ZC3H11A: variants seen among roughly 807,000 people sequenced by gnomAD.
ZC3H11A encodes the protein zinc finger CCCH domain-containing protein 11A.
Under a neutral mutation model 90.8 loss-of-function variants are expected in ZC3H11A, and 22 were observed. The ratio of observed to expected loss-of-function variants is 0.24; its 90% CI spans 0.17 to 0.35. The LOEUF (loss-of-function observed/expected upper bound fraction) is 0.35, where lower values mean the gene tolerates loss of function less well. Among genes scored for constraint, ZC3H11A ranks in the 10% least tolerant of loss-of-function variants. The pLI is 1.00. For missense variants in ZC3H11A, 701 were observed against 964.9 expected, an observed-to-expected ratio of 0.73 and a Z score of 3.62; for synonymous variants, 294 against 339.8, an observed-to-expected ratio of 0.87 and a Z score of 1.48.
chr1:203,826,162 A>C (rs1158632914), intron 4 of ZC3H11A, among the ~76,000 whole-genome samples: 1 of 152,154 alleles, frequency 6.6e-6, no homozygotes, highest in East Asian at 1.9e-4. Flanking sequence ...TATTACATCT[A>C]CCTTTCGGGT....
chr1:203,839,920 C>T (rs1287818958), intron 11 of ZC3H11A, among the ~76,000 whole-genome samples: 1 of 152,124 alleles, frequency 6.6e-6, no homozygotes, highest in Non-Finnish European at 1.5e-5. Context: ...TCTCCTGTCT[C>T]AGCCTCCAGA....
chr1:203,815,268 G>A (rs1675968495), intron 2 of ZC3H11A, among the ~76,000 whole-genome samples: 1 of 130,256 alleles, frequency 7.7e-6, no homozygotes, highest in Admixed American at 9.2e-5. Flanking sequence ...AAGCTGGAGT[G>A]CAGTGGCGCA....
At chr1:203,831,488 C>T (rs1162459534) in intron 8 of ZC3H11A, among the ~76,000 whole-genome samples, 173 bp from the exon 9 acceptor site, 2 of 152,092 alleles carry the variant, frequency 1.3e-5, no homozygotes, top group Non-Finnish European at 2.9e-5. Context: ...CCCAAGGCTC[C>T]CCTCACCACT....
At chr1:203,821,414 C>T (rs574751934) in intron 4 of ZC3H11A, among the ~76,000 whole-genome samples, 2 of 152,128 alleles carry the variant, frequency 1.3e-5, no homozygotes, top group African/African-American at 4.8e-5. Flanking sequence ...GTGTCGTACT[C>T]TGTTACTATC....
intron 1 of ZC3H11A, chr1:203,799,931 G>C: frequency 6.5e-7 from 1 of 1,536,096 alleles, no homozygotes; most frequent in Non-Finnish European, 8.7e-7. Flanking sequence ...GTAATTATAT[G>C]GAATCTTCAC....
chr1:203,836,325 G>A lies in ZC3H11A; in HGVS notation c.875-1641G>A, dbSNP rs965204970. Reference sequence around the variant, plus strand: ...TATTTAAATTATAAATGAGGGGAGAGAAACAATCATACTCTGTGTAGGGTC... The same window carrying A: ...TATTTAAATTATAAATGAGGGGAGAAAAACAATCATACTCTGTGTAGGGTC... On this transcript the variant is annotated intron_variant, in intron 10 of 17. Transcript: ENST00000367210. Among the ~76,000 whole-genome samples the A allele has an allele frequency of 2.6e-5, 4 of 152,084 alleles. No individual in the cohort carries two copies. In the South Asian group the frequency reaches 8.3e-4, roughly 31 times the overall value.
Position 203,802,348 on chromosome 1 carries a change from TG to T in ZC3H11A, c.-813del, listed in dbSNP as rs1670775480. 6.6e-6 allele frequency: 1 copy of T among 152,594 alleles called. No homozygotes were observed. Among genetic ancestry groups the T allele is most frequent in the Non-Finnish European group, 1.5e-5 (1 of 68,028 alleles). The allele number at this position is 152,594 out of a possible 1,614,324, so 9.5% of individuals were successfully genotyped here. The stretch of plus-strand genomic sequence containing the variant: ...AAGAGTAAGTTCTTTATTTTTATAA[TG>T]AACCCAAATCTAAAGTCTTTTATAG... On this transcript the variant is annotated 5_prime_UTR_variant, in exon 2 of 18. The change abolishes an upstream ATG in the 5' untranslated region. Coordinates refer to ENST00000367210, the MANE Select transcript of ZC3H11A (RefSeq NM_001376342.1).
At chr1:203,849,000 T>A (rs1176454202) in intron 14 of ZC3H11A, among the ~76,000 whole-genome samples, 1 of 152,196 alleles carries the variant, frequency 6.6e-6, no homozygotes, top group African/African-American at 2.4e-5. Context: ...TTCTTGTGCC[T>A]CAGCCTCCCA....
intron 10 of ZC3H11A, among the ~76,000 whole-genome samples, chr1:203,836,870 T>C (rs1036351630): frequency 2.6e-5 from 4 of 152,240 alleles, no homozygotes; most frequent in African/African-American, 9.6e-5. Context: ...TTCAGAACCT[T>C]AGATTTCTTT....
intron 2 of ZC3H11A, among the ~76,000 whole-genome samples, chr1:203,812,099 G>C (rs981733403): frequency 3.3e-5 from 5 of 152,136 alleles, no homozygotes; most frequent in African/African-American, 1.2e-4. Flanking sequence ...TTACATGTAT[G>C]AGTCACCACA....
chr1:203,847,787 A>C, intron 13 of ZC3H11A, 100 bp downstream of exon 13: 1 of 1,496,074 alleles, frequency 6.7e-7, no homozygotes. Flanking sequence ...ACCTTTCTTT[A>C]CTCAGATAAC....
intron 4 of ZC3H11A, among the ~76,000 whole-genome samples, chr1:203,823,913 C>T (rs6673705): frequency 7.0e-4 from 106 of 152,112 alleles, no homozygotes; most frequent in African/African-American, 2.3e-3. Flanking sequence ...TTTATTGATA[C>T]GGAAATAATC....
chr1:203,796,160 A>G, intron 1 of ZC3H11A: 1 of 325,816 alleles, frequency 3.1e-6, no homozygotes, highest in Non-Finnish European at 5.5e-6. Context: ...GTTCCCCCGA[A>G]TCCCGAAGAG....
At chr1:203,823,279 G>A (rs1308180564) in intron 4 of ZC3H11A, among the ~76,000 whole-genome samples, 3 of 152,280 alleles carry the variant, frequency 2.0e-5, no homozygotes, top group East Asian at 3.9e-4. Context: ...GGAAGAATCC[G>A]TGTGCCTGTT....
At chr1:203,798,298 T>A in intron 1 of ZC3H11A, 1 of 1,536,174 alleles carries the variant, frequency 6.5e-7, no homozygotes, top group South Asian at 1.2e-5. Flanking sequence ...CATGCTTTAA[T>A]TCCTGGAACT....
At chr1:203,836,617 A>AATAC (rs1403520382) in intron 10 of ZC3H11A, among the ~76,000 whole-genome samples, 3 of 152,184 alleles carry the variant, frequency 2.0e-5, no homozygotes, top group Admixed American at 2.0e-4. Flanking sequence ...GTCTACTAAA[A>AATAC]ATACAAAAAT....
intron 1 of ZC3H11A, chr1:203,798,891 G>A: frequency 6.5e-7 from 1 of 1,536,096 alleles, no homozygotes; most frequent in Non-Finnish European, 8.7e-7. Context: ...CACTAAGGCT[G>A]TACCTCAGTT....
intron 4 of ZC3H11A, among the ~76,000 whole-genome samples, chr1:203,819,062 C>T (rs1055708278): frequency 1.7e-5 from 2 of 115,450 alleles, no homozygotes; most frequent in African/African-American, 3.1e-5. Flanking sequence ...AGCAACACTC[C>T]GTCTCAAAAA....
intron 12 of ZC3H11A, among the ~76,000 whole-genome samples, chr1:203,843,917 G>A (rs1687171396): frequency 6.6e-6 from 1 of 151,912 alleles, no homozygotes; most frequent in South Asian, 2.1e-4. Context: ...GAGTGCAATG[G>A]TGCGATCTCG....
Sources: gnomAD v4.1 joint callset for allele counts (sites outside exome capture counted in the v4.1 genomes callset) on GRCh38, gnomAD v4.1.1 for gene constraint, MANE v1.5 for transcripts, NCBI Gene and HGNC (gene_info 2026-07-23, HGNC 2026-07-21) for gene names.